Variants in ZNF560 observed in about 807,000 individuals in gnomAD.
ZNF560 encodes the protein zinc finger protein 560.
Under a neutral mutation model 81.8 loss-of-function variants are expected in ZNF560, and 54 were observed. The ratio of observed to expected loss-of-function variants is 0.66; its 90% CI spans 0.53 to 0.83. The LOEUF (loss-of-function observed/expected upper bound fraction) is 0.83, where lower values mean the gene tolerates loss of function less well. ZNF560 is among the 40% of genes least tolerant of loss of function. The pLI is 0.00. For missense variants in ZNF560, 940 were observed against 932.4 expected (o/e 1.01, Z -0.11); for synonymous variants, 321 against 317.9 (o/e 1.01, Z -0.10).
At chr19:9,490,925 C>A (rs1326802476) in intron 2 of ZNF560, among the ~76,000 whole-genome samples, 2 of 152,186 alleles carry the variant, frequency 1.3e-5, no homozygotes, top group African/African-American at 4.8e-5. Context: ...TATATCAATT[C>A]TCCTGTTTTC....
chr19:9,448,222 G>C, the ZNF560 span, among the ~76,000 whole-genome samples: 1 of 151,618 alleles, frequency 6.6e-6, no homozygotes, highest in Non-Finnish European at 1.5e-5. Flanking sequence ...TTGTGTGTGC[G>C]TGTGGCGGGG....
chr19:9,468,731 T>C (rs1038953487), intron 9 of ZNF560, among the ~76,000 whole-genome samples: 5 of 150,472 alleles, frequency 3.3e-5, no homozygotes, highest in Admixed American at 1.3e-4. Flanking sequence ...ATTTCTTTTT[T>C]TTTTTTTTTT....
the ZNF560 span, among the ~76,000 whole-genome samples, chr19:9,447,070 G>T: frequency 6.7e-6 from 1 of 149,262 alleles, no homozygotes; most frequent in Non-Finnish European, 1.5e-5. Flanking sequence ...GGAGGCGGAG[G>T]TTGCAGTGGG....
At chr19:9,494,051 G>C (rs1164718589) in intron 2 of ZNF560, among the ~76,000 whole-genome samples, 1 of 148,600 alleles carries the variant, frequency 6.7e-6, no homozygotes, top group African/African-American at 2.5e-5. Context: ...AGAATCACTT[G>C]AACCTGGGAG....
the ZNF560 span, among the ~76,000 whole-genome samples, chr19:9,451,228 C>T: frequency 6.6e-6 from 1 of 152,176 alleles, no homozygotes; most frequent in Admixed American, 6.5e-5. Context: ...CCAAACTACA[C>T]TACAAGCCTA....
At chr19:9,483,003 T>C (rs111361154) in intron 2 of ZNF560, among the ~76,000 whole-genome samples, 22,732 of 151,366 alleles carry the variant, frequency 0.15, 2,545 homozygotes, top group African/African-American at 0.31. Flanking sequence ...GGCGTGATCT[T>C]GGCTCGCTAC....
At chr19:9,474,617 C>A (rs1394969899) in intron 3 of ZNF560, among the ~76,000 whole-genome samples, 1 of 152,062 alleles carries the variant, frequency 6.6e-6, no homozygotes, top group African/African-American at 2.4e-5. Context: ...AAAGATATCC[C>A]AGAGTACACT....
At position 9,474,205 on chromosome 19, in the gene ZNF560, T is replaced by C. The variant is rs757550638; in HGVS notation, c.151A>G (p.Lys51Glu). Residue 51 changes from lysine (K) to glutamate (E), a missense_variant, in exon 4 of 10, where the codon AAA (lysine) becomes GAA (glutamate). Coordinates refer to ENST00000301480, the MANE Select transcript of ZNF560 (RefSeq NM_152476.3). ...AAAATGATGGCAGTCTTACCTACTT[T>C]GGCCACGTTCTCATAATTCTCCAGC... ...VMLENYENVA[K>E]VGFQLFKPSV... The C allele has an allele frequency of 6.2e-7, 1 of 1,614,204 alleles. No individual in the cohort carries two copies. The highest frequency in any genetic ancestry group is 8.5e-7 in the Non-Finnish European group (1 of 1,180,028).
intron 2 of ZNF560, among the ~76,000 whole-genome samples, chr19:9,486,159 A>G (rs1465578822): frequency 6.6e-6 from 1 of 152,196 alleles, no homozygotes; most frequent in African/African-American, 2.4e-5. Flanking sequence ...ACATGAACAC[A>G]TGACTCCAGA....
In ZNF560 at chr19:9,467,828, T is replaced by C. The variant is rs1349668237; in HGVS notation, c.1119A>G (p.Ile373Met). The C allele has an allele frequency of 6.2e-7, 1 of 1,614,198 alleles. No homozygotes were observed. Among genetic ancestry groups the C allele is most frequent in the Non-Finnish European group, 8.5e-7 (1 of 1,180,044 alleles). Residue 373 changes from isoleucine (I) to methionine (M), a missense_variant, in exon 10 of 10, where the codon ATA becomes ATG. Physicochemically the swap from Ile to Met is conservative, Grantham distance 10. Coordinates refer to ENST00000301480, the MANE Select transcript of ZNF560 (RefSeq NM_152476.3). Reference sequence around the variant, plus strand: ...CACAGTGCTTACATTTATAAGGTTTTATCCCAATGTGGGTTTGCATGTGAT... The same window carrying C: ...CACAGTGCTTACATTTATAAGGTTTCATCCCAATGTGGGTTTGCATGTGAT... Reference protein sequence around the residue: ...LNNHMQTHIGIKPYKCKHCGK... With the variant: ...LNNHMQTHIGMKPYKCKHCGK...
chr19:9,503,511 G>T (rs932143724), upstream of ZNF560, among the ~76,000 whole-genome samples: 8 of 152,172 alleles, frequency 5.3e-5, no homozygotes, highest in African/African-American at 1.9e-4. Context: ...GCAGCTATCT[G>T]GGCCTCTCAT....
At chr19:9,491,839 A>C (rs1366095082) in intron 2 of ZNF560, among the ~76,000 whole-genome samples, 2 of 150,908 alleles carry the variant, frequency 1.3e-5, no homozygotes, top group Non-Finnish European at 2.9e-5. Context: ...AAAAAAAAAA[A>C]AAAAAACAGG....
chr19:9,456,923 A>C, the ZNF560 span, among the ~76,000 whole-genome samples: 1 of 152,202 alleles, frequency 6.6e-6, no homozygotes, highest in Non-Finnish European at 1.5e-5. Flanking sequence ...GGAACTAGGA[A>C]AAAATTTGCA....
the ZNF560 span, among the ~76,000 whole-genome samples, chr19:9,459,982 C>T: frequency 3.0e-4 from 44 of 145,998 alleles, 1 homozygote; most frequent in East Asian, 1.4e-3. Flanking sequence ...GCCCTTCTAC[C>T]GACACAGAAA....
intron 2 of ZNF560, among the ~76,000 whole-genome samples, chr19:9,477,331 A>C (rs2073218170): frequency 6.6e-6 from 1 of 152,154 alleles, no homozygotes; most frequent in Admixed American, 6.5e-5. Flanking sequence ...GAAGCGGTGA[A>C]CCAGGACTTG....
At chr19:9,486,131 T>C (rs1438308931) in intron 2 of ZNF560, among the ~76,000 whole-genome samples, 1 of 152,136 alleles carries the variant, frequency 6.6e-6, no homozygotes, top group East Asian at 1.9e-4. Flanking sequence ...TGTATGTGCA[T>C]TAAGAAATGC....
chr19:9,473,729 T>C (rs1163004637), intron 4 of ZNF560, among the ~76,000 whole-genome samples: 1 of 152,226 alleles, frequency 6.6e-6, no homozygotes, highest in Non-Finnish European at 1.5e-5. Context: ...ATTGGCTCTC[T>C]GACCTCTGAA....
intron 3 of ZNF560, 69 bp downstream of exon 3, chr19:9,475,215 C>G: frequency 6.5e-7 from 1 of 1,531,096 alleles, no homozygotes; most frequent in Non-Finnish European, 9.0e-7. Flanking sequence ...ACACATCTGC[C>G]TAGAAGGAAA....
At chr19:9,475,929 G>A (rs1465263954) in intron 2 of ZNF560, among the ~76,000 whole-genome samples, 2 of 152,142 alleles carry the variant, frequency 1.3e-5, no homozygotes, top group East Asian at 3.9e-4. Flanking sequence ...TAAGACCTGA[G>A]GAATGTAAGT....
Sources: allele counts gnomAD v4.1 joint callset (sites outside exome capture counted in the v4.1 genomes callset), GRCh38; gene constraint gnomAD v4.1.1; transcripts MANE v1.5; gene names NCBI Gene and HGNC (gene_info 2026-07-23, HGNC 2026-07-21).